Variants in CNTN4 observed in about 807,000 individuals in gnomAD.
CNTN4 encodes the protein contactin-4.
Under a neutral mutation model 122.5 loss-of-function variants are expected in CNTN4, and 77 were observed. The ratio of observed to expected loss-of-function variants is 0.63; its 90% CI spans 0.52 to 0.76. CNTN4 has a LOEUF of 0.76. Ranked by LOEUF, CNTN4 falls within the 30% of genes least tolerant of loss-of-function variation. The pLI, the probability that CNTN4 is intolerant of heterozygous loss-of-function variation, is 0.00. For synonymous variants in CNTN4, 512 were observed against 447.0 expected (o/e 1.15, Z -1.83); for missense variants, 1,256 against 1,259.1 (o/e 1.00, Z 0.04).
chr3:2,610,665 C>T (rs142873580), intron 4 of CNTN4, among the ~76,000 whole-genome samples: 9 of 152,014 alleles, frequency 5.9e-5, no homozygotes, highest in African/African-American at 2.2e-4. Flanking sequence ...AGAGAACAGA[C>T]CATGGAAATG....
Position 3,034,726 on chromosome 3 carries a change from C to T in CNTN4, c.1878C>T (p.Pro626=), listed in dbSNP as rs780970101. 27 of 1,614,088 alleles carry T rather than the reference C, an allele frequency of 1.7e-5. No individual in the cohort carries two copies. In the South Asian group the frequency reaches 3.0e-4, roughly 18 times the overall value. Residue 626 remains proline, a synonymous_variant, in exon 17 of 25, where the codon CCC becomes CCT. Coordinates refer to ENST00000418658, the MANE Select transcript of CNTN4 (RefSeq NM_175607.3). ...GACCCGGGCCTGACAACCACAGCCCCATCACCATGTATGTCATTCAAGCCA... is the reference window on the plus strand; with the variant it reads ...GACCCGGGCCTGACAACCACAGCCCTATCACCATGTATGTCATTCAAGCCA... The part of the protein sequence containing the change: ...SWRPGPDNHS[P]ITMYVIQART...
intron 13 of CNTN4, among the ~76,000 whole-genome samples, chr3:2,968,687 C>T (rs1692573564): frequency 6.6e-6 from 1 of 152,186 alleles, no homozygotes; most frequent in African/African-American, 2.4e-5. Flanking sequence ...TGAGTCATTA[C>T]TGTGCTAGGT....
chr3:2,420,888 C>A (rs1187730428), intron 3 of CNTN4, among the ~76,000 whole-genome samples: 1 of 152,172 alleles, frequency 6.6e-6, no homozygotes, highest in Non-Finnish European at 1.5e-5. Context: ...CTGCTTACCT[C>A]AAGAGATGGC....
At chr3:2,394,108 A>G (rs2046545079) in intron 3 of CNTN4, among the ~76,000 whole-genome samples, 1 of 152,168 alleles carries the variant, frequency 6.6e-6, no homozygotes, top group South Asian at 2.1e-4. Flanking sequence ...AATGAAAGCT[A>G]AATTTTAGGC....
At chr3:2,781,860 G>A (rs1195664446) in intron 6 of CNTN4, among the ~76,000 whole-genome samples, 8 of 115,306 alleles carry the variant, frequency 6.9e-5, no homozygotes, top group African/African-American at 2.9e-4. Context: ...GAGTAGCTGG[G>A]ACTGCAGGCG....
chr3:3,047,067 G>A (rs1263314804), intron 23 of CNTN4, among the ~76,000 whole-genome samples: 1 of 150,904 alleles, frequency 6.6e-6, no homozygotes, highest in Admixed American at 6.6e-5. Context: ...AATTCAACAA[G>A]AAGAGCTAAC....
chr3:2,774,193 G>A (rs1436145872), intron 6 of CNTN4, among the ~76,000 whole-genome samples: 3 of 152,018 alleles, frequency 2.0e-5, no homozygotes, highest in East Asian at 1.9e-4. Context: ...CCTGGGAGGT[G>A]GAGGTTGCAG....
chr3:2,627,778 C>G lies in CNTN4; in HGVS notation c.55+56220C>G, dbSNP rs541333047. ...AAAGTGCTGGGATTACAGGCGTGAG[C>G]CACCGTGCCTGGCCAACTGTCATTT... On this transcript the variant is annotated intron_variant, in intron 4 of 24. Transcript: ENST00000418658. Among the ~76,000 whole-genome samples, 91 of 152,280 alleles carry G rather than the reference C, an allele frequency of 6.0e-4. 1 individual carries two copies. The highest frequency in any genetic ancestry group is 2.1e-3 in the African/African-American group (89 of 41,568).
chr3:2,680,867 A>G (rs1267603578), intron 4 of CNTN4, among the ~76,000 whole-genome samples: 1 of 152,188 alleles, frequency 6.6e-6, no homozygotes, highest in Non-Finnish European at 1.5e-5. Context: ...CTTTGGTGGT[A>G]GATTGACAAG....
chr3:2,897,778 C>T (rs1054460424), intron 10 of CNTN4, among the ~76,000 whole-genome samples: 2 of 152,148 alleles, frequency 1.3e-5, no homozygotes, highest in African/African-American at 4.8e-5. Context: ...CCACTTGTGG[C>T]ATCATGGTGG....
intron 18 of CNTN4, among the ~76,000 whole-genome samples, 163 bp from the exon 19 acceptor site, chr3:3,038,770 G>A (rs1161856995): frequency 2.0e-5 from 3 of 150,536 alleles, no homozygotes; most frequent in Admixed American, 2.0e-4. Context: ...ACTTCCTCGA[G>A]CGGTCGCCGT....
intron 2 of CNTN4, among the ~76,000 whole-genome samples, chr3:2,120,378 TATATATATATATATATATATATATA>T (rs2033659005): frequency 3.3e-5 from 1 of 29,898 alleles, no homozygotes; most frequent in South Asian, 8.9e-4. Flanking sequence ...TATATAAATA[TATATATATATATATATATATATATA>T]TATTTTTTTT....
At chr3:2,661,212 C>G (rs1190084958) in intron 4 of CNTN4, among the ~76,000 whole-genome samples, 1 of 152,110 alleles carries the variant, frequency 6.6e-6, no homozygotes, top group Non-Finnish European at 1.5e-5. Context: ...TTTCTTATGT[C>G]TCCAGTTGTT....
At chr3:2,654,102 G>T (rs973079252) in intron 4 of CNTN4, among the ~76,000 whole-genome samples, 5 of 152,160 alleles carry the variant, frequency 3.3e-5, no homozygotes, top group African/African-American at 1.2e-4. Flanking sequence ...TTTGCTTTTT[G>T]AAAGCAATTG....
intron 2 of CNTN4, among the ~76,000 whole-genome samples, chr3:2,291,978 C>T (rs2150001898): frequency 1.3e-5 from 2 of 152,204 alleles, no homozygotes; most frequent in Middle Eastern, 6.8e-3. Flanking sequence ...TCAGGTGATC[C>T]ACCCGCCTCA....
chr3:2,625,316 C>G (rs1030082856), intron 4 of CNTN4, among the ~76,000 whole-genome samples: 2 of 152,114 alleles, frequency 1.3e-5, no homozygotes, highest in African/African-American at 4.8e-5. Flanking sequence ...ATATTCTATT[C>G]TAAAACTATT....
At chr3:2,994,961 T>C (rs540653344) in intron 14 of CNTN4, among the ~76,000 whole-genome samples, 5 of 152,300 alleles carry the variant, frequency 3.3e-5, no homozygotes, top group Non-Finnish European at 4.4e-5. Context: ...CAATTAGATA[T>C]CTTCCACTGG....
chr3:2,672,936 A>G (rs543448476), intron 4 of CNTN4, among the ~76,000 whole-genome samples: 8 of 152,324 alleles, frequency 5.3e-5, no homozygotes, highest in African/African-American at 1.9e-4. Flanking sequence ...TGGGCTAGAG[A>G]ATCACGTAAA....
chr3:2,536,459 G>C (rs1207319211), intron 3 of CNTN4, among the ~76,000 whole-genome samples: 1 of 152,010 alleles, frequency 6.6e-6, no homozygotes, highest in Non-Finnish European at 1.5e-5. Context: ...GAAAGTCATT[G>C]CCCTATGCTG....
Sources: gnomAD v4.1 joint callset for allele counts (sites outside exome capture counted in the v4.1 genomes callset) on GRCh38, gnomAD v4.1.1 for gene constraint, MANE v1.5 for transcripts, NCBI Gene and HGNC (gene_info 2026-07-23, HGNC 2026-07-21) for gene names.